Variants in AFF1 observed in about 807,000 individuals in gnomAD.
The protein encoded by AFF1 is AF4/FMR2 family member 1.
AFF1 carries 48 observed loss-of-function variants against 121.7 expected under a neutral mutation model. That is an observed-to-expected ratio of 0.39 (90% CI 0.31 to 0.50). The LOEUF (loss-of-function observed/expected upper bound fraction) is 0.50, where lower values mean the gene tolerates loss of function less well. Ranked by LOEUF, AFF1 falls within the 20% of genes least tolerant of loss-of-function variation. The pLI, the probability that AFF1 is intolerant of heterozygous loss-of-function variation, is 0.76. For missense variants in AFF1, 1,523 were observed against 1,511.7 expected (o/e 1.01, Z -0.12); for synonymous variants, 613 against 563.0 (o/e 1.09, Z -1.26).
intron 2 of AFF1, 51 bp downstream of exon 2, chr4:86,948,622 TCTA>T (rs1251751222): frequency 1.9e-5 from 28 of 1,500,102 alleles, no homozygotes; most frequent in Non-Finnish European, 2.4e-5. Flanking sequence ...AATTTTATAA[TCTA>T]CTTTTCAATG....
At chr4:87,134,717 G>A (rs1332255848) in intron 20 of AFF1, 23 bp downstream of exon 20, 2 of 1,573,482 alleles carry the variant, frequency 1.3e-6, no homozygotes, top group Admixed American at 1.7e-5. Flanking sequence ...CTTTGTGGTG[G>A]TAATTACTGG....
At chr4:86,944,140 T>TA (rs35682600) in intron 1 of AFF1, among the ~76,000 whole-genome samples, 8,877 of 95,952 alleles carry the variant, frequency 0.093, 530 homozygotes, top group African/African-American at 0.2. Flanking sequence ...CAAGACCCTG[T>TA]AAAAAAAAAA....
chr4:87,063,438 C>T (rs148208428), intron 4 of AFF1, among the ~76,000 whole-genome samples: 13 of 151,896 alleles, frequency 8.6e-5, no homozygotes, highest in South Asian at 4.2e-4. Context: ...GGGGTTTCTC[C>T]GTGTGGGTGA....
chr4:87,001,383 A>C (rs1389517897), intron 2 of AFF1, among the ~76,000 whole-genome samples: 1 of 151,220 alleles, frequency 6.6e-6, no homozygotes, highest in Admixed American at 6.6e-5. Flanking sequence ...CGCCTGGCTA[A>C]TTTTTTGTAT....
At chr4:87,108,414 G>C in intron 11 of AFF1, 99 bp downstream of exon 11, 2 of 1,321,092 alleles carry the variant, frequency 1.5e-6, no homozygotes, top group Non-Finnish European at 2.1e-6. Context: ...ATGAGACTGA[G>C]TCATTCTGTC....
intron 2 of AFF1, among the ~76,000 whole-genome samples, chr4:86,966,275 A>G (rs915776469): frequency 8.5e-5 from 13 of 152,170 alleles, no homozygotes; most frequent in Non-Finnish European, 4.4e-5. Context: ...CGGTGCTGTC[A>G]ATCCTTCCTC....
intron 2 of AFF1, among the ~76,000 whole-genome samples, chr4:87,006,032 T>A (rs1337622939): frequency 6.6e-6 from 1 of 152,220 alleles, no homozygotes; most frequent in East Asian, 1.9e-4. Context: ...AAACACACTT[T>A]GAGAACCCTT....
At chr4:87,080,972 A>G (rs1368023432) in intron 4 of AFF1, among the ~76,000 whole-genome samples, 2 of 152,146 alleles carry the variant, frequency 1.3e-5, no homozygotes, top group African/African-American at 4.8e-5. Flanking sequence ...GGTATACACA[A>G]AAGTATTTAG....
chr4:86,986,496 C>T (rs1251027089), intron 2 of AFF1, among the ~76,000 whole-genome samples: 1 of 152,084 alleles, frequency 6.6e-6, no homozygotes, highest in Non-Finnish European at 1.5e-5. Flanking sequence ...AGACAGAAAT[C>T]TGATCAAGCC....
chr4:87,037,586 T>G (rs557038678), intron 2 of AFF1, among the ~76,000 whole-genome samples: 1 of 152,302 alleles, frequency 6.6e-6, no homozygotes, highest in South Asian at 2.1e-4. Flanking sequence ...GTGCTGAGAT[T>G]ACAGGCATGA....
intron 4 of AFF1, among the ~76,000 whole-genome samples, chr4:87,053,351 C>T (rs939347999): frequency 6.6e-6 from 1 of 152,204 alleles, no homozygotes; most frequent in Non-Finnish European, 1.5e-5. Flanking sequence ...CACTTTGATT[C>T]ATTGCAGCTC....
At chr4:86,971,788 A>G (rs2149480445) in intron 2 of AFF1, among the ~76,000 whole-genome samples, 1 of 152,298 alleles carries the variant, frequency 6.6e-6, no homozygotes, top group South Asian at 2.1e-4. Context: ...TTATGAGTGG[A>G]CAGTATGGGA....
chr4:87,020,434 G>C (rs1727782004), intron 2 of AFF1, among the ~76,000 whole-genome samples: 1 of 152,176 alleles, frequency 6.6e-6, no homozygotes, highest in African/African-American at 2.4e-5. Flanking sequence ...AGCCTCATAT[G>C]AGTACACTGC....
chr4:86,978,661 C>T (rs1205994819), intron 2 of AFF1, among the ~76,000 whole-genome samples: 1 of 152,014 alleles, frequency 6.6e-6, no homozygotes, highest in Non-Finnish European at 1.5e-5. Context: ...GATTTTAATC[C>T]TGAGTAGAAA....
At chr4:87,014,720 A>G (rs1727134352) in intron 2 of AFF1, among the ~76,000 whole-genome samples, 1 of 152,236 alleles carries the variant, frequency 6.6e-6, no homozygotes, top group South Asian at 2.1e-4. Flanking sequence ...ACCCAAGATT[A>G]TCACGTGACT....
At chr4:87,032,353 C>A (rs1729161262) in intron 2 of AFF1, among the ~76,000 whole-genome samples, 1 of 152,150 alleles carries the variant, frequency 6.6e-6, no homozygotes, top group Admixed American at 6.5e-5. Context: ...ATGAAACTGC[C>A]TCTAGTTTTT....
intron 2 of AFF1, among the ~76,000 whole-genome samples, chr4:86,963,731 C>A (rs920483378): frequency 6.6e-6 from 1 of 151,972 alleles, no homozygotes; most frequent in Non-Finnish European, 1.5e-5. Context: ...CCTTTCCCAG[C>A]TCCTCAGTCT....
intron 2 of AFF1, among the ~76,000 whole-genome samples, chr4:86,994,794 G>C (rs995129244): frequency 6.6e-6 from 1 of 152,202 alleles, no homozygotes; most frequent in African/African-American, 2.4e-5. Flanking sequence ...CTAATGAAGA[G>C]AAAATACTGT....
chr4:87,072,637 C>T (rs1248212035), intron 4 of AFF1, among the ~76,000 whole-genome samples: 1 of 152,086 alleles, frequency 6.6e-6, no homozygotes, highest in East Asian at 1.9e-4. Flanking sequence ...TCTCCTGCTT[C>T]AGCCTCCCCA....
Sources: allele counts gnomAD v4.1 joint callset (sites outside exome capture counted in the v4.1 genomes callset), GRCh38; gene constraint gnomAD v4.1.1; transcripts MANE v1.5; gene names NCBI Gene and HGNC (gene_info 2026-07-23, HGNC 2026-07-21).